Variants in DPYD observed in about 807,000 individuals in gnomAD.
The protein encoded by DPYD is dihydropyrimidine dehydrogenase [NADP(+)].
Under a neutral mutation model 116.2 loss-of-function variants are expected in DPYD, and 109 were observed. That is an observed-to-expected ratio of 0.94 (90% CI 0.80 to 1.10). DPYD has a LOEUF of 1.10. Ranked by LOEUF, DPYD falls within the 50% of genes least tolerant of loss-of-function variation. The pLI, the probability that DPYD is intolerant of heterozygous loss-of-function variation, is 0.00. For missense variants in DPYD, 1,302 were observed against 1,254.5 expected, an observed-to-expected ratio of 1.04 and a Z score of -0.57; for synonymous variants, 440 against 432.0, an observed-to-expected ratio of 1.02 and a Z score of -0.23.
intron 18 of DPYD, among the ~76,000 whole-genome samples, chr1:97,298,792 C>G (rs534729994): frequency 6.6e-6 from 1 of 152,190 alleles, no homozygotes; most frequent in African/African-American, 2.4e-5. Flanking sequence ...ACTGTTTGGT[C>G]TTCTCCCCCT....
chr1:97,628,684 A>C (rs1008254053), intron 8 of DPYD, among the ~76,000 whole-genome samples: 1 of 152,112 alleles, frequency 6.6e-6, no homozygotes, highest in Non-Finnish European at 1.5e-5. Flanking sequence ...ACTTAGACTT[A>C]CAAAATACTT....
chr1:97,726,440 C>T (rs1377937155), intron 4 of DPYD, among the ~76,000 whole-genome samples: 1 of 151,490 alleles, frequency 6.6e-6, no homozygotes, highest in African/African-American at 2.4e-5. Context: ...ATATTTAGTT[C>T]CTGCTGAAGC....
At position 97,115,291 on chromosome 1, in the gene DPYD, G is replaced by A. The variant is rs189085595; in HGVS notation, c.2623-16659C>T. 8.5e-4 allele frequency among the ~76,000 whole-genome samples: 130 copies of A among 152,280 alleles called. 1 individual carries two copies. Among genetic ancestry groups the A allele is most frequent in the Admixed American group, 6.9e-3 (106 of 15,288 alleles). Reference sequence around the variant, plus strand: ...TATGGTATTGCAACATTTTGTGTTTGAGAGAAAAGTCCTTGACTACCAGCA... The same window carrying A: ...TATGGTATTGCAACATTTTGTGTTTAAGAGAAAAGTCCTTGACTACCAGCA... On this transcript the variant is annotated intron_variant, in intron 20 of 22. Transcript: ENST00000370192.
At position 97,768,338 on chromosome 1, in the gene DPYD, G is replaced by A. The variant is rs566366982; in HGVS notation, c.234-27859C>T. On this transcript the variant is annotated intron_variant, in intron 3 of 22. Coordinates refer to ENST00000370192, the MANE Select transcript of DPYD (RefSeq NM_000110.4). ...CATAGACATGGGACCCAGGAAAAAC[G>A]AACTCGTGTCCTGAATGTGCCCTTG... Among the ~76,000 whole-genome samples, 9 of 152,218 alleles carry A rather than the reference G, an allele frequency of 5.9e-5. No individual in the cohort carries two copies. In the East Asian group the frequency reaches 1.4e-3, roughly 23 times the overall value.
At chr1:97,175,118 T>C (rs1233195374) in intron 20 of DPYD, among the ~76,000 whole-genome samples, 1 of 152,100 alleles carries the variant, frequency 6.6e-6, no homozygotes, top group East Asian at 1.9e-4. Context: ...TGCTGGAGAG[T>C]TTTCCAAAGT....
intron 14 of DPYD, 147 bp downstream of exon 14, chr1:97,449,912 T>G: frequency 9.7e-7 from 1 of 1,033,136 alleles, no homozygotes; most frequent in Non-Finnish European, 1.4e-6. Context: ...TCTTTCTTTT[T>G]TATCTTTCTA....
Position 97,699,351 on chromosome 1 carries a change from C to T in DPYD, c.680G>A (p.Ser227Asn), listed in dbSNP as rs1661466420. 6.2e-7 allele frequency: 1 copy of T among 1,613,006 alleles called. No homozygotes were observed. The highest frequency in any genetic ancestry group is 8.5e-7 in the Non-Finnish European group (1 of 1,179,284). ...FEKQEYVGGLSTSEIPQFRLP... is the reference protein window; with the variant it reads ...FEKQEYVGGLNTSEIPQFRLP... ...AACATGAAATAAATGTAGGCATTAC[C>T]TTAAACCACCAACATATTCTTGTTT... The change falls in exon 6 of 23, where the codon AGT becomes AAT. Residue 227 changes from serine (S) to asparagine (N), a missense_variant and splice_region_variant. By Grantham distance (46) the Ser-to-Asn change is conservative. Coordinates refer to ENST00000370192, the MANE Select transcript of DPYD (RefSeq NM_000110.4).
chr1:97,910,391 C>T (rs1360955656), intron 1 of DPYD, among the ~76,000 whole-genome samples: 1 of 152,032 alleles, frequency 6.6e-6, no homozygotes, highest in African/African-American at 2.4e-5. Flanking sequence ...AGATAAATCA[C>T]TGAAGTCAAA....
intron 2 of DPYD, among the ~76,000 whole-genome samples, chr1:97,862,575 T>C (rs1209759349): frequency 1.3e-5 from 2 of 151,952 alleles, no homozygotes; most frequent in Non-Finnish European, 2.9e-5. Context: ...TTTTGTCTAT[T>C]TGTTTATTTC....
intron 8 of DPYD, among the ~76,000 whole-genome samples, chr1:97,632,265 C>T (rs1454589991): frequency 1.3e-5 from 2 of 152,026 alleles, no homozygotes; most frequent in Admixed American, 6.6e-5. Flanking sequence ...CAGCTGAAGT[C>T]GCACATGCTA....
At chr1:97,892,229 T>G (rs1446348237) in intron 1 of DPYD, among the ~76,000 whole-genome samples, 1 of 151,886 alleles carries the variant, frequency 6.6e-6, no homozygotes, top group Non-Finnish European at 1.5e-5. Context: ...AAATATCTAT[T>G]GATTAATGCT....
At chr1:97,361,196 A>G (rs1670705994) in intron 16 of DPYD, among the ~76,000 whole-genome samples, 1 of 152,234 alleles carries the variant, frequency 6.6e-6, no homozygotes, top group Admixed American at 6.5e-5. Flanking sequence ...GTAAACTAGA[A>G]AATCTAGAAG....
chr1:97,750,177 A>G (rs911725364), intron 3 of DPYD, among the ~76,000 whole-genome samples: 3 of 152,122 alleles, frequency 2.0e-5, no homozygotes, highest in African/African-American at 7.2e-5. Flanking sequence ...AGAAAGCTCT[A>G]TATTTTATGA....
At chr1:97,534,194 TA>T (rs1455103653) in intron 12 of DPYD, among the ~76,000 whole-genome samples, 1 of 152,134 alleles carries the variant, frequency 6.6e-6, no homozygotes, top group Non-Finnish European at 1.5e-5. Flanking sequence ...CAAAACTGAT[TA>T]AAAATGTATT....
chr1:97,267,966 A>T (rs1248889107), intron 18 of DPYD, among the ~76,000 whole-genome samples: 4 of 152,196 alleles, frequency 2.6e-5, no homozygotes, highest in Non-Finnish European at 4.4e-5. Flanking sequence ...AATTCCCATC[A>T]GTCTGGGAAA....
At chr1:97,275,184 G>A (rs1664857246) in intron 18 of DPYD, among the ~76,000 whole-genome samples, 1 of 152,146 alleles carries the variant, frequency 6.6e-6, no homozygotes, top group Non-Finnish European at 1.5e-5. Context: ...TGTAAGCTGG[G>A]ACAAAATCAT....
intron 14 of DPYD, among the ~76,000 whole-genome samples, chr1:97,390,051 A>G (rs4495747): frequency 0.19 from 29,165 of 152,028 alleles, 2,967 homozygotes; most frequent in South Asian, 0.38. Context: ...TTAAAAATTA[A>G]GGTGAAGAAC....
chr1:97,146,474 A>G (rs903985067), intron 20 of DPYD, among the ~76,000 whole-genome samples: 1 of 152,202 alleles, frequency 6.6e-6, no homozygotes, highest in Non-Finnish European at 1.5e-5. Context: ...AGGCCATACA[A>G]TACATCCTGT....
At chr1:97,457,801 T>C (rs1011838716) in intron 13 of DPYD, among the ~76,000 whole-genome samples, 2 of 152,184 alleles carry the variant, frequency 1.3e-5, no homozygotes, top group Non-Finnish European at 1.5e-5. Flanking sequence ...GTTCAAACTT[T>C]TTCTGCAGGC....
Sources: allele counts gnomAD v4.1 joint callset (sites outside exome capture counted in the v4.1 genomes callset), GRCh38; gene constraint gnomAD v4.1.1; transcripts MANE v1.5; gene names NCBI Gene and HGNC (gene_info 2026-07-23, HGNC 2026-07-21).